IMMP2L: variants seen among roughly 807,000 people sequenced by gnomAD.
IMMP2L encodes inner mitochondrial membrane peptidase subunit 2.
IMMP2L carries 18 observed loss-of-function variants against 19.3 expected under a neutral mutation model. That is an observed-to-expected ratio of 0.93 (90% CI 0.64 to 1.38). The LOEUF (loss-of-function observed/expected upper bound fraction) is 1.38. Ranked by LOEUF, IMMP2L falls within the 40% of genes most tolerant of loss-of-function variation. The pLI is 0.00. For missense variants in IMMP2L, 233 were observed against 218.2 expected (o/e 1.07, Z -0.43); for synonymous variants, 76 against 73.0 (o/e 1.04, Z -0.21).
chr7:111,124,595 A>G (rs1801065588), intron 3 of IMMP2L: 1 of 1,613,976 alleles, frequency 6.2e-7, no homozygotes, highest in South Asian at 1.1e-5. Context: ...AAATGTGTAA[A>G]TGTCACCACC....
intron 3 of IMMP2L, among the ~76,000 whole-genome samples, chr7:111,468,949 AG>A (rs1363138131): frequency 5.3e-5 from 8 of 152,138 alleles, no homozygotes; most frequent in Admixed American, 4.6e-4. Context: ...GTTGGGTTTG[AG>A]AAGTCTGAGG....
intron 3 of IMMP2L, among the ~76,000 whole-genome samples, chr7:111,329,394 C>G (rs1213779779): frequency 1.3e-5 from 2 of 151,868 alleles, no homozygotes; most frequent in Non-Finnish European, 2.9e-5. Context: ...ACCTACCTAC[C>G]TCTCTCATGT....
chr7:111,269,211 G>T (rs1233253860), intron 3 of IMMP2L, among the ~76,000 whole-genome samples: 1 of 152,146 alleles, frequency 6.6e-6, no homozygotes, highest in Non-Finnish European at 1.5e-5. Flanking sequence ...GCTCATTTAA[G>T]AAACACTTTT....
At position 110,843,892 on chromosome 7, in the gene IMMP2L, G is replaced by A. The variant is rs149925445; in HGVS notation, c.408+42701C>T. 7.5e-3 allele frequency among the ~76,000 whole-genome samples: 1,145 copies of A among 152,264 alleles called. 11 individuals carry two copies. The highest frequency in any genetic ancestry group is 0.023 in the African/African-American group (936 of 41,548). On this transcript the variant is annotated intron_variant, in intron 5 of 5. Transcript: ENST00000405709. ...ATGGGAGGCAGAGAGGGTGGCCAGG[G>A]TGGCTAAGGCAGGGCACATGAGTGA...
chr7:111,396,975 C>A (rs1173513987), intron 3 of IMMP2L, among the ~76,000 whole-genome samples: 1 of 151,940 alleles, frequency 6.6e-6, no homozygotes, highest in Non-Finnish European at 1.5e-5. Flanking sequence ...GTAATCCCAG[C>A]TACTCAGGAG....
intron 5 of IMMP2L, among the ~76,000 whole-genome samples, chr7:110,814,181 C>A (rs1562993013): frequency 6.6e-6 from 1 of 151,902 alleles, no homozygotes; most frequent in Non-Finnish European, 1.5e-5. Context: ...AAGCAACATT[C>A]CAAATTCCAT....
intron 5 of IMMP2L, among the ~76,000 whole-genome samples, chr7:110,774,126 T>C (rs1381456719): frequency 1.3e-5 from 2 of 152,088 alleles, no homozygotes; most frequent in Non-Finnish European, 2.9e-5. Context: ...TGGTATTTTA[T>C]AGTTTTACCA....
At chr7:110,872,166 A>G (rs1435888226) in intron 5 of IMMP2L, among the ~76,000 whole-genome samples, 1 of 152,118 alleles carries the variant, frequency 6.6e-6, no homozygotes, top group Non-Finnish European at 1.5e-5. Flanking sequence ...AACTAATCAC[A>G]CTTAGTCTTA....
In IMMP2L at chr7:111,505,277, C is replaced by T. The variant is rs1409518653; in HGVS notation, c.135+16036G>A. ...TGCAAATCAAAACCACAATGAGATA[C>T]CATCTCACACCAGTTAGAATGGCAA... On this transcript the variant is annotated intron_variant, in intron 2 of 5. Coordinates refer to ENST00000405709, the MANE Select transcript of IMMP2L (RefSeq NM_032549.4). Among the ~76,000 whole-genome samples, 321 of 150,810 alleles carry T rather than the reference C, an allele frequency of 2.1e-3. 3 individuals are homozygous for T. The highest frequency in any genetic ancestry group is 7.4e-3 in the African/African-American group (305 of 41,012).
At chr7:111,268,136 T>C (rs1008204664) in intron 3 of IMMP2L, among the ~76,000 whole-genome samples, 7 of 152,112 alleles carry the variant, frequency 4.6e-5, no homozygotes, top group African/African-American at 1.7e-4. Flanking sequence ...ACCACCATGA[T>C]GTTTTAAATT....
intron 5 of IMMP2L, among the ~76,000 whole-genome samples, chr7:110,826,993 C>T (rs1803558471): frequency 6.6e-6 from 1 of 152,022 alleles, no homozygotes; most frequent in Non-Finnish European, 1.5e-5. Flanking sequence ...CAACTTGGTG[C>T]TACTGCTTTG....
intron 3 of IMMP2L, among the ~76,000 whole-genome samples, chr7:111,044,827 T>C (rs1455137132): frequency 6.6e-6 from 1 of 152,196 alleles, no homozygotes; most frequent in African/African-American, 2.4e-5. Flanking sequence ...ACAATCTTTT[T>C]AAAGTTTACA....
At chr7:111,262,357 G>A (rs1422093969) in intron 3 of IMMP2L, among the ~76,000 whole-genome samples, 1 of 152,028 alleles carries the variant, frequency 6.6e-6, no homozygotes, top group Non-Finnish European at 1.5e-5. Context: ...GCTAGTAAAG[G>A]CCTGAATGAA....
chr7:111,453,012 CTA>C (rs1476562362), intron 3 of IMMP2L, among the ~76,000 whole-genome samples: 1 of 152,104 alleles, frequency 6.6e-6, no homozygotes, highest in Non-Finnish European at 1.5e-5. Context: ...AATAAATAAA[CTA>C]TTACTTTACC....
chr7:110,845,482 G>A (rs1444008157), intron 5 of IMMP2L, among the ~76,000 whole-genome samples: 5 of 151,930 alleles, frequency 3.3e-5, no homozygotes, highest in African/African-American at 7.3e-5. Context: ...TTAAGGGCCC[G>A]GGGTAAAATA....
At chr7:111,103,412 C>T (rs947490283) in intron 3 of IMMP2L, among the ~76,000 whole-genome samples, 1 of 151,564 alleles carries the variant, frequency 6.6e-6, no homozygotes, top group East Asian at 1.9e-4. Flanking sequence ...CTGATTTGCA[C>T]CTGCTTTCCA....
intron 3 of IMMP2L, among the ~76,000 whole-genome samples, chr7:111,383,753 TAA>T (rs767873614): frequency 5.3e-5 from 8 of 152,118 alleles, no homozygotes; most frequent in Non-Finnish European, 8.8e-5. Flanking sequence ...AAATGTGCAC[TAA>T]GTTTTTCTGC....
chr7:111,312,950 G>A (rs990212323), intron 3 of IMMP2L, among the ~76,000 whole-genome samples: 7 of 152,060 alleles, frequency 4.6e-5, no homozygotes, highest in Non-Finnish European at 7.4e-5. Flanking sequence ...AAAAAAGGAA[G>A]AAATAAATAC....
intron 5 of IMMP2L, among the ~76,000 whole-genome samples, chr7:110,752,713 C>A (rs1044627120): frequency 3.3e-5 from 5 of 151,982 alleles, no homozygotes; most frequent in Non-Finnish European, 4.4e-5. Context: ...AAAGAAGAAA[C>A]CCCCAAACTC....
Sources: allele counts gnomAD v4.1 joint callset (sites outside exome capture counted in the v4.1 genomes callset), GRCh38; gene constraint gnomAD v4.1.1; transcripts MANE v1.5; gene names NCBI Gene and HGNC (gene_info 2026-07-23, HGNC 2026-07-21).